The following VTI1A variants were observed in gnomAD, a reference collection of about 807,000 sequenced individuals.
The protein encoded by VTI1A is vesicle transport through interaction with t-SNAREs 1A.
A neutral mutation model predicts 34.9 loss-of-function variants in VTI1A; 22 were observed. That is an observed-to-expected ratio of 0.63 (90% CI 0.45 to 0.90). VTI1A has a LOEUF of 0.90. Ranked by LOEUF, VTI1A falls within the 40% of genes least tolerant of loss-of-function variation. VTI1A has a pLI of 0.00. For missense variants in VTI1A, 268 were observed against 275.6 expected (o/e 0.97, Z 0.20); for synonymous variants, 87 against 97.3 (o/e 0.89, Z 0.62).
chr10:112,476,588 ATGTCCACATGTTCAT>A (rs964695406), intron 3 of VTI1A, among the ~76,000 whole-genome samples: 3 of 152,208 alleles, frequency 2.0e-5, no homozygotes, highest in Non-Finnish European at 4.4e-5. Flanking sequence ...TATGGTAGTG[ATGTCCACATGTTCAT>A]TGTCCTCTTA....
At chr10:112,633,239 A>G (rs1846208084) in intron 5 of VTI1A, among the ~76,000 whole-genome samples, 1 of 152,202 alleles carries the variant, frequency 6.6e-6, no homozygotes, top group African/African-American at 2.4e-5. Context: ...ATAGTGGGTC[A>G]TAGAGAATTA....
chr10:112,499,829 A>G (rs1406805774), intron 3 of VTI1A, among the ~76,000 whole-genome samples: 1 of 152,102 alleles, frequency 6.6e-6, no homozygotes, highest in Non-Finnish European at 1.5e-5. Context: ...TTCCACCTCT[A>G]GAATATCTCT....
At chr10:112,523,479 T>C (rs1850105657) in intron 3 of VTI1A, among the ~76,000 whole-genome samples, 2 of 152,122 alleles carry the variant, frequency 1.3e-5, no homozygotes, top group Non-Finnish European at 2.9e-5. Context: ...TTTCTAACCA[T>C]GTAGTCTACC....
chr10:112,572,578 C>T (rs145858964), intron 5 of VTI1A, among the ~76,000 whole-genome samples: 1 of 152,288 alleles, frequency 6.6e-6, no homozygotes, highest in African/African-American at 2.4e-5. Context: ...GTGGCTCACG[C>T]CTGTAATCCC....
chr10:112,681,697 A>C (rs1196535413), intron 7 of VTI1A, among the ~76,000 whole-genome samples: 1 of 152,204 alleles, frequency 6.6e-6, no homozygotes, highest in Admixed American at 6.5e-5. Flanking sequence ...ACACTTGACT[A>C]AAATTACATA....
intron 2 of VTI1A, among the ~76,000 whole-genome samples, chr10:112,464,320 C>G (rs1337457113): frequency 6.6e-6 from 1 of 152,214 alleles, no homozygotes; most frequent in African/African-American, 2.4e-5. Context: ...TTTAACAAAG[C>G]ATGTACTTGA....
the VTI1A span, chr10:112,831,495 G>T: frequency 1.3e-5 from 2 of 152,168 alleles, no homozygotes; most frequent in African/African-American, 4.8e-5. Flanking sequence ...TGTCCAGTTT[G>T]GTCACCAAGA....
chr10:112,458,425 C>G (rs1465825146), intron 1 of VTI1A, among the ~76,000 whole-genome samples: 1 of 152,066 alleles, frequency 6.6e-6, no homozygotes, highest in Non-Finnish European at 1.5e-5. Flanking sequence ...AATATTTAAT[C>G]TGGCCATATG....
At chr10:112,525,740 A>AAGGAACCCCG (rs1850200196) in intron 3 of VTI1A, among the ~76,000 whole-genome samples, 1 of 114,846 alleles carries the variant, frequency 8.7e-6, no homozygotes, top group South Asian at 3.4e-4. Context: ...TGGTTAAGAT[A>AAGGAACCCCG]ATTGGGAAAA....
chr10:112,827,358 C>T, the VTI1A span: 7 of 152,040 alleles, frequency 4.6e-5, no homozygotes, highest in South Asian at 1.0e-3. Flanking sequence ...GAGCCTCTCT[C>T]GGTGGGGATG....
At chr10:112,563,590 G>C (rs1001088238) in intron 5 of VTI1A, among the ~76,000 whole-genome samples, 2 of 152,122 alleles carry the variant, frequency 1.3e-5, no homozygotes, top group Non-Finnish European at 2.9e-5. Context: ...TAAACAAAGA[G>C]ACATTAACAC....
chr10:112,634,187 A>G (rs760070397), intron 5 of VTI1A: 11 of 154,554 alleles, frequency 7.1e-5, no homozygotes, highest in Non-Finnish European at 1.5e-4. Context: ...GAACAGTGCA[A>G]TGTTTTCCTT....
chr10:112,547,298 C>A (rs1377762692), intron 5 of VTI1A, among the ~76,000 whole-genome samples: 3 of 151,864 alleles, frequency 2.0e-5, no homozygotes, highest in Non-Finnish European at 4.4e-5. Flanking sequence ...AATAATAGTC[C>A]AGGCGTGGTG....
At chr10:112,533,746 C>G (rs1183659532) in intron 4 of VTI1A, among the ~76,000 whole-genome samples, 1 of 151,766 alleles carries the variant, frequency 6.6e-6, no homozygotes, top group Non-Finnish European at 1.5e-5. Flanking sequence ...TCATGCTTAT[C>G]TCAGGGATCA....
At chr10:112,745,473 G>T (rs911544034) in intron 7 of VTI1A, among the ~76,000 whole-genome samples, 2 of 152,032 alleles carry the variant, frequency 1.3e-5, no homozygotes, top group Non-Finnish European at 2.9e-5. Context: ...TCACATTACA[G>T]TAAGACCTCT....
chr10:112,781,358 T>C (rs1852120949), intron 7 of VTI1A, among the ~76,000 whole-genome samples: 1 of 152,172 alleles, frequency 6.6e-6, no homozygotes, highest in South Asian at 2.1e-4. Flanking sequence ...AGGCATGCAG[T>C]CTGCCCCAGG....
At chr10:112,577,578 G>T (rs571656226) in intron 5 of VTI1A, among the ~76,000 whole-genome samples, 15 of 152,328 alleles carry the variant, frequency 9.8e-5, no homozygotes, top group African/African-American at 3.4e-4. Context: ...CCCCTGTGGG[G>T]ATAACATTGT....
chr10:112,720,677 C>A (rs1273140293), intron 7 of VTI1A, among the ~76,000 whole-genome samples: 1 of 152,102 alleles, frequency 6.6e-6, no homozygotes, highest in Non-Finnish European at 1.5e-5. Context: ...TTAGATTAGG[C>A]GATAACTGAA....
At chr10:112,584,456 C>G (rs12258068) in intron 5 of VTI1A, among the ~76,000 whole-genome samples, 14,532 of 152,218 alleles carry the variant, frequency 0.095, 763 homozygotes, top group African/African-American at 0.11. Context: ...TTTTGTATCA[C>G]AAAGTAATAT....
Sources: gnomAD v4.1 joint callset for allele counts (sites outside exome capture counted in the v4.1 genomes callset) on GRCh38, gnomAD v4.1.1 for gene constraint, MANE v1.5 for transcripts, NCBI Gene and HGNC (gene_info 2026-07-23, HGNC 2026-07-21) for gene names.